The following C4orf51 variants were observed in gnomAD, a reference collection of about 807,000 sequenced individuals.
The protein encoded by C4orf51 is chromosome 4 open reading frame 51, also known as uncharacterized protein C4orf51.
Under a neutral mutation model 25.2 loss-of-function variants are expected in C4orf51, and 25 were observed. The ratio of observed to expected loss-of-function variants is 0.99; its 90% confidence interval spans 0.72 to 1.39. The LOEUF (loss-of-function observed/expected upper bound fraction) is 1.39. Among genes scored for constraint, C4orf51 ranks in the 40% most tolerant of loss-of-function variants. C4orf51 has a pLI of 0.00. For synonymous variants in C4orf51, 100 were observed against 84.5 expected (o/e 1.18, Z -1.01); for missense variants, 252 against 239.6 (o/e 1.05, Z -0.34).
At chr4:145,714,535 T>C (rs929701353) in intron 2 of C4orf51, among the ~76,000 whole-genome samples, 8 of 152,218 alleles carry the variant, frequency 5.3e-5, no homozygotes, top group Non-Finnish European at 7.3e-5. Flanking sequence ...GTTGAACTTC[T>C]CATTTGGTTC....
downstream of C4orf51, among the ~76,000 whole-genome samples, chr4:145,756,058 CTAA>C (rs1387339742): frequency 6.6e-6 from 1 of 152,204 alleles, no homozygotes; most frequent in African/African-American, 2.4e-5. Context: ...ATGGAGGTGA[CTAA>C]TGAGATGTGT....
chr4:145,776,593 A>G, the C4orf51 span, among the ~76,000 whole-genome samples: 1 of 151,772 alleles, frequency 6.6e-6, no homozygotes, highest in South Asian at 2.1e-4. Flanking sequence ...TCTGTGAGTG[A>G]GCAAGTGTGC....
At position 145,765,705 on chromosome 4, in the gene C4orf51, C is replaced by G; in HGVS notation, n.167-5283C>G. 6.2e-7 allele frequency: 1 copy of G among 1,614,040 alleles called. No homozygotes were observed. The highest frequency in any genetic ancestry group is 8.5e-7 in the Non-Finnish European group (1 of 1,179,954). On this transcript the variant is annotated intron_variant and non_coding_transcript_variant, in intron 1 of 1. Coordinates refer to the C4orf51 transcript ENST00000510096. The surrounding 1 kb of genome is among the most constrained non-coding windows in gnomAD (Gnocchi z 4.7). The stretch of plus-strand genomic sequence containing the variant: ...AGCTGAGAGGGAGGATGAAGAGGGG[C>G]TATTTGATTCGCTGGGGGTCTTCCT...
chr4:145,740,240 C>CAAAA (rs60310006), intron 1 of C4orf51, among the ~76,000 whole-genome samples: 37 of 104,802 alleles, frequency 3.5e-4, no homozygotes, highest in African/African-American at 9.8e-4. Context: ...TCCCTTTCTG[C>CAAAA]AAAAAAAAAA....
chr4:145,778,686 AC>A, the C4orf51 span, among the ~76,000 whole-genome samples: 1 of 152,212 alleles, frequency 6.6e-6, no homozygotes, highest in Non-Finnish European at 1.5e-5. Context: ...TGTGTGATGT[AC>A]GAAATCTTTA....
At chr4:145,753,883 A>G (rs1426655864) in intron 1 of C4orf51, among the ~76,000 whole-genome samples, 1 of 151,972 alleles carries the variant, frequency 6.6e-6, no homozygotes, top group Non-Finnish European at 1.5e-5. Context: ...GAAATAACAC[A>G]CCCCCAATAT....
chr4:145,791,743 G>A, the C4orf51 span, among the ~76,000 whole-genome samples: 3 of 152,144 alleles, frequency 2.0e-5, no homozygotes, highest in African/African-American at 4.8e-5. Flanking sequence ...TCTGGGCACC[G>A]TGCTAAGGCT....
chr4:145,741,772 A>C (rs1185857193), intron 1 of C4orf51, among the ~76,000 whole-genome samples: 1 of 151,934 alleles, frequency 6.6e-6, no homozygotes, highest in Non-Finnish European at 1.5e-5. Context: ...ATCTCAGCTC[A>C]CTGCAACCTC....
chr4:145,683,770 T>G (rs554747915), intron 1 of C4orf51, among the ~76,000 whole-genome samples: 1 of 152,182 alleles, frequency 6.6e-6, no homozygotes, highest in Admixed American at 6.5e-5. Context: ...GACCTAAATG[T>G]AAAATGCAAA....
rs575320272 is a variant in C4orf51 at position 145,745,672 on chromosome 4, C to T, written n.168-8535C>T. On this transcript the variant is annotated intron_variant and non_coding_transcript_variant, in intron 1 of 1. Coordinates refer to the C4orf51 transcript ENST00000508981. ...AAATCTTGGCTATTGTGAACAGTGGCGTGAGAAATATGGAAGTGCTGATAC... is the reference window on the plus strand; with the variant it reads ...AAATCTTGGCTATTGTGAACAGTGGTGTGAGAAATATGGAAGTGCTGATAC... Among the ~76,000 whole-genome samples the T allele has an allele frequency of 9.2e-5, 14 of 152,166 alleles. No individual in the cohort carries two copies. The South Asian group carries it at 1.0e-3, about 11-fold the overall frequency.
rs66860071 is a variant in C4orf51, at chr4:145,728,047, T to TACAC, written c.366+1097_366+1100dup. Among the ~76,000 whole-genome samples, 121 of 133,342 alleles carry TACAC rather than the reference T, an allele frequency of 9.1e-4. 1 individual carries two copies. The highest frequency in any genetic ancestry group is 1.3e-3 in the Non-Finnish European group (83 of 64,338). The allele number at this position is 133,342 out of a possible 152,430, so 87.5% of individuals were successfully genotyped here. ...ATATATATTATATATAATATATATATACACACACACACACACACACACGCC... is the reference window on the plus strand; with the variant it reads ...ATATATATTATATATAATATATATATACACACACACACACACACACACACACGCC... On this transcript the variant is annotated intron_variant, in intron 3 of 5. Coordinates refer to ENST00000438731, the MANE Select transcript of C4orf51 (RefSeq NM_001080531.3).
At chr4:145,742,449 C>G (rs550753242) in intron 1 of C4orf51, among the ~76,000 whole-genome samples, 52 of 152,178 alleles carry the variant, frequency 3.4e-4, no homozygotes, top group African/African-American at 1.3e-3. Flanking sequence ...GTCATCTTTG[C>G]TCCAACAAGT....
At chr4:145,735,659 T>A (rs568702964), downstream of C4orf51, among the ~76,000 whole-genome samples, 1 of 152,300 alleles carries the variant, frequency 6.6e-6, no homozygotes, top group Admixed American at 6.5e-5. Flanking sequence ...ATAAATGAGG[T>A]CTTCGTGCAG....
At chr4:145,720,537 C>T (rs746513315) in intron 2 of C4orf51, among the ~76,000 whole-genome samples, 4 of 152,182 alleles carry the variant, frequency 2.6e-5, no homozygotes, top group Non-Finnish European at 5.9e-5. Flanking sequence ...TGAGGTGCTG[C>T]ACTTTTTACC....
At chr4:145,707,159 T>C (rs1730862111) in intron 2 of C4orf51, among the ~76,000 whole-genome samples, 2 of 152,066 alleles carry the variant, frequency 1.3e-5, no homozygotes, top group Non-Finnish European at 2.9e-5. Context: ...CAGGATGGTC[T>C]CGATCCCCTG....
At chr4:145,704,015 C>T (rs184453577) in intron 2 of C4orf51, among the ~76,000 whole-genome samples, 44 of 152,250 alleles carry the variant, frequency 2.9e-4, no homozygotes, top group East Asian at 2.3e-3. Context: ...GTTACGGAAA[C>T]GTGTATATTA....
At chr4:145,724,128 G>C (rs1010947836) in intron 2 of C4orf51, among the ~76,000 whole-genome samples, 1 of 152,082 alleles carries the variant, frequency 6.6e-6, no homozygotes, top group African/African-American at 2.4e-5. Flanking sequence ...TAATATTATA[G>C]AATCATATCA....
chr4:145,712,577 C>G (rs1307915952), intron 2 of C4orf51, among the ~76,000 whole-genome samples: 1 of 152,128 alleles, frequency 6.6e-6, no homozygotes, highest in Non-Finnish European at 1.5e-5. Context: ...AAAGAAGGTG[C>G]AGAAGAAAAA....
downstream of C4orf51, among the ~76,000 whole-genome samples, chr4:145,775,617 G>C (rs763747784): frequency 2.6e-5 from 4 of 152,112 alleles, no homozygotes; most frequent in Non-Finnish European, 5.9e-5. Flanking sequence ...CAAACCAAGA[G>C]AGGAGTCTGT....
Sources: gnomAD v4.1 joint callset for allele counts (sites outside exome capture counted in the v4.1 genomes callset) on GRCh38, gnomAD v4.1.1 for gene constraint, Gnocchi (gnomAD v3.1) non-coding constraint, MANE v1.5 for transcripts, NCBI Gene and HGNC (gene_info 2026-07-23, HGNC 2026-07-21) for gene names.